The following CSGALNACT1 variants were observed in gnomAD, a reference collection of about 807,000 sequenced individuals.
CSGALNACT1 encodes the protein beta4GalNAcT-1.
CSGALNACT1 carries 52 observed loss-of-function variants against 51.0 expected under a neutral mutation model. That is an observed-to-expected ratio of 1.02 (90% confidence interval 0.82 to 1.29). The LOEUF is 1.29. CSGALNACT1 is among the 50% of genes most tolerant of loss of function. The pLI is 0.00. For synonymous variants in CSGALNACT1, 341 were observed against 254.4 expected (o/e 1.34, Z -3.24); for missense variants, 935 against 679.2 (o/e 1.38, Z -4.19).
chr8:19,581,411 C>G (rs2045537874), intron 3 of CSGALNACT1, among the ~76,000 whole-genome samples: 1 of 152,088 alleles, frequency 6.6e-6, no homozygotes, highest in Non-Finnish European at 1.5e-5. Context: ...CTTAAACTCC[C>G]CAAATTAAAA....
In CSGALNACT1 at chr8:19,599,520, G is replaced by GAAAGA. The variant is rs1554751496; in HGVS notation, c.-416+2246_-416+2250dup. ...AGAAAGAAAGAAAGAAAGAAAGAAA[G>GAAAGA]AAAGAAAAGAAAGAAAAAGAAGGAA... On this transcript the variant is annotated intron_variant, in intron 2 of 9. Coordinates refer to ENST00000454498, the Ensembl canonical transcript of CSGALNACT1. Among the ~76,000 whole-genome samples, 345 of 127,186 alleles carry GAAAGA rather than the reference G, an allele frequency of 2.7e-3. 2 individuals are homozygous for GAAAGA. The highest frequency in any genetic ancestry group is 8.6e-3 in the African/African-American group (295 of 34,378). The allele number at this position is 127,186 out of a possible 152,430, so 83.4% of individuals were successfully genotyped here.
intron 1 of CSGALNACT1, among the ~76,000 whole-genome samples, chr8:19,653,991 A>G (rs1346753503): frequency 6.6e-6 from 1 of 152,080 alleles, no homozygotes; most frequent in African/African-American, 2.4e-5. Flanking sequence ...GGTTCACAGA[A>G]AGCAAATCCC....
At chr8:19,525,249 T>C (rs1402892465) in intron 3 of CSGALNACT1, among the ~76,000 whole-genome samples, 2 of 152,072 alleles carry the variant, frequency 1.3e-5, no homozygotes, top group Non-Finnish European at 2.9e-5. Context: ...GAGTTAAAAC[T>C]AAAACACTCA....
At chr8:19,426,326 A>G (rs143190482) in intron 6 of CSGALNACT1, among the ~76,000 whole-genome samples, 79 of 152,372 alleles carry the variant, frequency 5.2e-4, no homozygotes, top group African/African-American at 1.8e-3. Flanking sequence ...GCTGTGACCA[A>G]TGGATTCTGA....
At chr8:19,439,222 A>G (rs1383408940) in intron 6 of CSGALNACT1, among the ~76,000 whole-genome samples, 1 of 152,236 alleles carries the variant, frequency 6.6e-6, no homozygotes, top group Non-Finnish European at 1.5e-5. Flanking sequence ...TCCCCATGCA[A>G]TTGATCAACT....
intron 1 of CSGALNACT1, among the ~76,000 whole-genome samples, chr8:19,711,389 C>T (rs1056883415): frequency 6.6e-6 from 1 of 152,082 alleles, no homozygotes; most frequent in African/African-American, 2.4e-5. Flanking sequence ...ACAAGTTCAA[C>T]AATAAATTTT....
exon 4 of CSGALNACT1, chr8:19,505,717 C>G (rs202131668): frequency 1.2e-6 from 2 of 1,614,190 alleles, no homozygotes; most frequent in Non-Finnish European, 1.7e-6. Context: ...AGCTGCTCCT[C>G]GTCACCTTTT....
intron 6 of CSGALNACT1, among the ~76,000 whole-genome samples, chr8:19,427,441 G>A (rs1314346331): frequency 6.6e-6 from 1 of 152,196 alleles, no homozygotes; most frequent in East Asian, 1.9e-4. Context: ...ACAGGAAAAT[G>A]GTGAGATTCA....
At chr8:19,494,987 T>C (rs1299119363) in intron 4 of CSGALNACT1, 2 of 152,118 alleles carry the variant, frequency 1.3e-5, no homozygotes, top group Non-Finnish European at 2.9e-5. Context: ...AGCTCCTATA[T>C]GAGATGTAAT....
chr8:19,450,631 T>G (rs2063010286), intron 5 of CSGALNACT1, among the ~76,000 whole-genome samples: 1 of 152,166 alleles, frequency 6.6e-6, no homozygotes, highest in South Asian at 2.1e-4. Context: ...GTACAGTAGC[T>G]CACGCCTGTA....
intron 1 of CSGALNACT1, among the ~76,000 whole-genome samples, chr8:19,631,391 G>A (rs2055237962): frequency 6.6e-6 from 1 of 152,110 alleles, no homozygotes; most frequent in South Asian, 2.1e-4. Flanking sequence ...ATTCTAACAG[G>A]CGGGTCTCTT....
At chr8:19,590,416 T>G (rs2047556926) in intron 3 of CSGALNACT1, among the ~76,000 whole-genome samples, 1 of 152,190 alleles carries the variant, frequency 6.6e-6, no homozygotes, top group African/African-American at 2.4e-5. Context: ...ACTGCCCTTT[T>G]AGTGGTTTCT....
chr8:19,478,358 G>A (rs1184692659), intron 4 of CSGALNACT1, among the ~76,000 whole-genome samples: 1 of 147,866 alleles, frequency 6.8e-6, no homozygotes, highest in African/African-American at 2.5e-5. Context: ...AGCTTGCAGT[G>A]AGCCGAGATC....
chr8:19,549,964 A>ATC (rs376572748), intron 3 of CSGALNACT1, among the ~76,000 whole-genome samples: 1 of 151,986 alleles, frequency 6.6e-6, no homozygotes, highest in Middle Eastern at 3.4e-3. Context: ...TTTTTGGGAA[A>ATC]TCTCTTTTTG....
At position 19,727,022 on chromosome 8, in the gene CSGALNACT1, A is replaced by G. The variant is rs574789512; in HGVS notation, c.-297+30828T>C. The stretch of plus-strand genomic sequence containing the variant: ...GGAATGAATAAACTCCAGCACTTTT[A>G]TTCCCCTCAAAATTCAAATCCCTGG... On this transcript the variant is annotated intron_variant, in intron 1 of 1. Coordinates refer to the CSGALNACT1 transcript ENST00000517494. Among the ~76,000 whole-genome samples the G allele has an allele frequency of 4.6e-5, 7 of 152,262 alleles. No homozygotes were observed. In the South Asian group the frequency reaches 1.5e-3, roughly 32 times the overall value.
intron 4 of CSGALNACT1, among the ~76,000 whole-genome samples, chr8:19,463,761 C>T (rs1408724182): frequency 6.6e-6 from 1 of 152,168 alleles, no homozygotes; most frequent in Admixed American, 6.5e-5. Flanking sequence ...TCCATAAATG[C>T]TAAGCTTTCT....
chr8:19,451,612 C>T (rs1013444847), intron 5 of CSGALNACT1, among the ~76,000 whole-genome samples: 8 of 152,168 alleles, frequency 5.3e-5, no homozygotes, highest in South Asian at 2.1e-4. Context: ...GCCAGTACGC[C>T]GGGTGAGCTG....
intron 6 of CSGALNACT1, among the ~76,000 whole-genome samples, chr8:19,429,183 T>C (rs1042145230): frequency 2.6e-5 from 4 of 152,046 alleles, no homozygotes; most frequent in African/African-American, 9.7e-5. Context: ...TTGTTGTTGT[T>C]GTTTTTCTTT....
rs751198395 is a variant in CSGALNACT1 at position 19,505,852 on chromosome 8, G to A, written c.-18C>T. 11 of 1,606,308 alleles carry A rather than the reference G, an allele frequency of 6.8e-6. No individual in the cohort carries two copies. The highest frequency in any genetic ancestry group is 1.7e-4 in the Middle Eastern group (1 of 6,060). ...ATCATCATTCAGGAATCAGCCATGC[G>A]TCCAGAACCGGTGGCATCCCTCAAA... On this transcript the variant is annotated 5_prime_UTR_variant, in exon 4 of 10. It adds an upstream start codon to the 5' untranslated region. Transcript: ENST00000454498.
Sources: allele counts gnomAD v4.1 joint callset (sites outside exome capture counted in the v4.1 genomes callset), GRCh38; gene constraint gnomAD v4.1.1; transcripts MANE v1.5; gene names NCBI Gene and HGNC (gene_info 2026-07-23, HGNC 2026-07-21).